ATF7: variants seen among roughly 807,000 people sequenced by gnomAD.
ATF7 encodes the protein activating transcription factor 7.
In ATF7, 10 loss-of-function variants were observed where a neutral mutation model predicts 50.4. The observed-to-expected ratio is 0.20, with a 90% CI of 0.12 to 0.34. ATF7 has a LOEUF of 0.34. Ranked by LOEUF, ATF7 falls within the 10% of genes least tolerant of loss-of-function variation. The pLI, the probability that ATF7 is intolerant of heterozygous loss-of-function variation, is 1.00. For synonymous variants in ATF7, 201 were observed against 226.4 expected, an observed-to-expected ratio of 0.89 and a Z score of 1.01; for missense variants, 465 against 613.9, an observed-to-expected ratio of 0.76 and a Z score of 2.56.
chr12:53,604,036 C>CTCAGTG (rs924790680), intron 1 of ATF7, among the ~76,000 whole-genome samples: 1 of 152,168 alleles, frequency 6.6e-6, no homozygotes, highest in Admixed American at 6.5e-5. Flanking sequence ...GGGCATGGCA[C>CTCAGTG]TCAGTGTGTC....
chr12:53,546,403 A>T (rs1939915946), intron 3 of ATF7, among the ~76,000 whole-genome samples: 1 of 105,402 alleles, frequency 9.5e-6, no homozygotes. Context: ...AGAAAAAAGA[A>T]AATATGGCTT....
intron 1 of ATF7, among the ~76,000 whole-genome samples, chr12:53,604,650 G>A (rs966640352): frequency 3.3e-5 from 5 of 152,028 alleles, no homozygotes; most frequent in African/African-American, 1.2e-4. Context: ...TCTAAGCAAG[G>A]AATAAAAGCC....
chr12:53,600,262 G>A (rs1943336424), intron 2 of ATF7, among the ~76,000 whole-genome samples: 1 of 152,034 alleles, frequency 6.6e-6, no homozygotes, highest in African/African-American at 2.4e-5. Context: ...ACAATGAGTG[G>A]GTACATTATC....
At chr12:53,612,766 G>A (rs1943946027) in intron 1 of ATF7, among the ~76,000 whole-genome samples, 1 of 152,236 alleles carries the variant, frequency 6.6e-6, no homozygotes, top group African/African-American at 2.4e-5. Context: ...CACTTTGGGA[G>A]GCTGAGGTGG....
At chr12:53,529,898 G>A (rs1565924389) in intron 9 of ATF7, among the ~76,000 whole-genome samples, 1 of 150,926 alleles carries the variant, frequency 6.6e-6, no homozygotes, top group Non-Finnish European at 1.5e-5. Flanking sequence ...GCGCCACCAC[G>A]CCTGGCTAAT....
At chr12:53,589,965 C>T (rs1382029089) in intron 2 of ATF7, among the ~76,000 whole-genome samples, 1 of 152,056 alleles carries the variant, frequency 6.6e-6, no homozygotes, top group Non-Finnish European at 1.5e-5. Flanking sequence ...GTCAGGGTCT[C>T]GCTTTGTTGC....
At chr12:53,544,471 G>A (rs1939762815) in intron 3 of ATF7, among the ~76,000 whole-genome samples, 1 of 152,136 alleles carries the variant, frequency 6.6e-6, no homozygotes, top group Admixed American at 6.6e-5. Context: ...TCTTGGCTGG[G>A]CGCAGTGGCT....
At position 53,534,608 on chromosome 12, in the gene ATF7, G is replaced by A. The variant is rs1211928764; in HGVS notation, c.454C>T (p.Arg152Cys). 5.6e-6 allele frequency: 9 copies of A among 1,613,382 alleles called. No individual in the cohort carries two copies. The East Asian group carries it at 6.7e-5, about 12-fold the overall frequency. The change falls in exon 6 of 12, where the codon CGT (arginine) becomes TGT (cysteine). Residue 152 changes from arginine (R) to cysteine (C), a missense_variant. Arg to Cys is a radical substitution (Grantham distance 180). Coordinates refer to ENST00000420353, the MANE Select transcript of ATF7 (RefSeq NM_006856.3). ...LISTPTPTIV[R>C]PGSLPLHLGY... The stretch of plus-strand genomic sequence containing the variant: ...AAGTGGAGAGGCAGGGAGCCAGGAC[G>A]TACAATGGTGGGTGTGGGGGTAGAG...
chr12:53,543,882 T>G (rs1939719505), intron 3 of ATF7: 2 of 158,326 alleles, frequency 1.3e-5, no homozygotes, highest in African/African-American at 4.8e-5. Flanking sequence ...AGATGGATGT[T>G]AAAATCTGAT....
rs946468304 is a variant in ATF7 at position 53,516,170 on chromosome 12, T to A, written c.*967A>T. ...TTGGCCGGTAAACTCTTATAAAACA[T>A]AAAGGAATCGATTAATCCCTAACTT... On this transcript the variant is annotated 3_prime_UTR_variant, in exon 12 of 12. Transcript: ENST00000420353. 2 of 152,120 alleles carry A rather than the reference T, an allele frequency of 1.3e-5. No individual in the cohort carries two copies. Among genetic ancestry groups the A allele is most frequent in the Non-Finnish European group, 2.9e-5 (2 of 68,014 alleles). 9.4% of individuals were successfully genotyped at this position (152,120 alleles called of 1,614,324 possible). A position where few individuals can be genotyped will look rare whatever the true frequency, so the allele number is the denominator to read the frequency against.
At chr12:53,575,023 G>C (rs1361758678) in intron 2 of ATF7, 1 of 174,610 alleles carries the variant, frequency 5.7e-6, no homozygotes, top group Non-Finnish European at 1.2e-5. Context: ...TGTAATCCCA[G>C]CACTTTGGGA....
At chr12:53,531,978 T>G (rs1301921496) in intron 8 of ATF7, 82 bp from the exon 9 acceptor site, 2 of 1,509,942 alleles carry the variant, frequency 1.3e-6, no homozygotes, top group Non-Finnish European at 1.8e-6. Context: ...ATTTTATTAT[T>G]GACCTTATAG....
intron 9 of ATF7, among the ~76,000 whole-genome samples, chr12:53,531,079 G>C (rs73115727): frequency 0.11 from 16,329 of 152,062 alleles, 1,051 homozygotes; most frequent in Admixed American, 0.19. Context: ...GTAAGGCTCT[G>C]TCATATTTTA....
chr12:53,621,743 C>G (rs1204016777), intron 1 of ATF7, among the ~76,000 whole-genome samples: 3 of 141,656 alleles, frequency 2.1e-5, no homozygotes, highest in African/African-American at 8.0e-5. Flanking sequence ...GAAACAAGAT[C>G]GAGCCACTGT....
chr12:53,557,251 G>T (rs915080377), intron 2 of ATF7, among the ~76,000 whole-genome samples: 1 of 152,116 alleles, frequency 6.6e-6, no homozygotes, highest in Non-Finnish European at 1.5e-5. Context: ...GCCCAGGCTG[G>T]AGTGCAGTGG....
intron 1 of ATF7, among the ~76,000 whole-genome samples, chr12:53,621,273 C>A (rs866190953): frequency 1.3e-5 from 2 of 152,280 alleles, no homozygotes; most frequent in Middle Eastern, 3.4e-3. Flanking sequence ...TTAATGTTAA[C>A]ATAATGATAG....
At chr12:53,518,584 A>C (rs1156761231) in intron 11 of ATF7, among the ~76,000 whole-genome samples, 1 of 152,174 alleles carries the variant, frequency 6.6e-6, no homozygotes, top group African/African-American at 2.4e-5. Flanking sequence ...CAGACTCCCA[A>C]ATTGCCGGGA....
intron 3 of ATF7, 35 bp downstream of exon 3, chr12:53,552,506 G>T: frequency 6.7e-7 from 1 of 1,495,498 alleles, no homozygotes. Context: ...CTGCCTGGTG[G>T]TATCAAGGCA....
chr12:53,511,573 T>C (rs1380004311), downstream of ATF7, among the ~76,000 whole-genome samples: 3 of 152,186 alleles, frequency 2.0e-5, no homozygotes, highest in Non-Finnish European at 2.9e-5. Context: ...CTAAGTAAAC[T>C]CTACCCCTCA....
Sources: gnomAD v4.1 joint callset for allele counts (sites outside exome capture counted in the v4.1 genomes callset) on GRCh38, gnomAD v4.1.1 for gene constraint, MANE v1.5 for transcripts, NCBI Gene and HGNC (gene_info 2026-07-23, HGNC 2026-07-21) for gene names.